Variants in IL9R observed in about 807,000 individuals in gnomAD.
IL9R encodes interleukin 9 receptor, also known as interleukin-9 receptor.
Under a neutral mutation model 56.3 loss-of-function variants are expected in IL9R, and 54 were observed. That is an observed-to-expected ratio of 0.96 (90% CI 0.77 to 1.20). The LOEUF (loss-of-function observed/expected upper bound fraction) is 1.20. Among genes scored for constraint, IL9R ranks in the 50% most tolerant of loss-of-function variants. The probability of loss-of-function intolerance (pLI) is 0.00; values close to 1 mark genes in which losing one functional copy is unlikely to be tolerated. For missense variants in IL9R, 545 were observed against 629.8 expected, an observed-to-expected ratio of 0.87 and a Z score of 1.44; for synonymous variants, 212 against 250.2, an observed-to-expected ratio of 0.85 and a Z score of 1.44.
rs2067616373 is a variant in IL9R at position 156,002,731 on chromosome X, C to G, written c.29-175C>G. The G allele has an allele frequency of 6.8e-6, 6 of 879,272 alleles. No individual in the cohort carries two copies. In the Admixed American group the frequency reaches 1.3e-4, roughly 19 times the overall value. The allele number at this position is 879,272 out of a possible 1,614,324, so 54.5% of individuals were successfully genotyped here. On this transcript the variant is annotated intron_variant, in intron 1 of 8. Coordinates refer to ENST00000244174, the MANE Select transcript of IL9R (RefSeq NM_002186.3). The stretch of plus-strand genomic sequence containing the variant: ...GGCCTTTCTGAGCTCAGTTCCTTAT[C>G]AGTAAAGCCTGGACAGTGGTCCAGG...
chrX:156,009,374 T>C (rs1236354326), intron 8 of IL9R, among the ~76,000 whole-genome samples: 2 of 149,672 alleles, frequency 1.3e-5, no homozygotes, highest in African/African-American at 5.0e-5. Flanking sequence ...TCTGTGTGTA[T>C]CTGTGTGTGT....
At chrX:156,004,168 C>G in intron 4 of IL9R, 2 of 599,952 alleles carry the variant, frequency 3.3e-6, no homozygotes, top group East Asian at 5.5e-5. Context: ...GGAAAAGCTT[C>G]CAGCAGCAGA....
At chrX:156,005,690 A>C (rs1021826994) in intron 6 of IL9R, among the ~76,000 whole-genome samples, 1 of 152,114 alleles carries the variant, frequency 6.6e-6, no homozygotes, top group Non-Finnish European at 1.5e-5. Context: ...ACCTGTAGTT[A>C]GTGGCTGCTG....
chrX:156,009,732 C>A (rs1045277884), intron 8 of IL9R, 84 bp from the exon 9 acceptor site: 9 of 678,876 alleles, frequency 1.3e-5, no homozygotes, highest in African/African-American at 2.8e-5. Flanking sequence ...GGATGCTGGG[C>A]TTGCCAGAAA....
intron 4 of IL9R, 114 bp downstream of exon 4, chrX:156,003,969 C>A: frequency 8.9e-7 from 1 of 1,120,560 alleles, no homozygotes; most frequent in South Asian, 1.5e-5. Context: ...TGTTCTCAGT[C>A]CCAGCCGAGT....
rs778936416 is a variant in IL9R at position 156,003,031 on chromosome X, G to T, written c.142+12G>T. On this transcript the variant is annotated intron_variant, in intron 2 of 8. Transcript: ENST00000244174. ...AGGGGAAGGACAAGGTGAGGGCTGG[G>T]CACTAATGTCTGTATGAGGTGGGTG... is the stretch of plus-strand genomic sequence containing the variant. 2.5e-6 allele frequency: 4 copies of T among 1,613,786 alleles called. No homozygotes were observed. The highest frequency in any genetic ancestry group is 3.4e-6 in the Non-Finnish European group (4 of 1,179,832).
chrX:156,009,385 T>TG (rs2068327283), intron 8 of IL9R, among the ~76,000 whole-genome samples: 4 of 139,442 alleles, frequency 2.9e-5, no homozygotes, highest in Non-Finnish European at 6.2e-5. Flanking sequence ...CTGTGTGTGT[T>TG]TGTGTGTGTG....
rs1382175616 is a variant in IL9R, at chrX:156,004,698, C to G, written c.579+133C>G. The stretch of plus-strand genomic sequence containing the variant: ...GAGGAACTAGAGCGGGGTGTGTGTG[C>G]ACACACACATGCTGGCATGCAGATG... On this transcript the variant is annotated intron_variant, in intron 5 of 8. Coordinates refer to ENST00000244174, the MANE Select transcript of IL9R (RefSeq NM_002186.3). The G allele has an allele frequency of 1.3e-5, 11 of 856,974 alleles. No individual in the cohort carries two copies. The Admixed American group carries it at 1.8e-4, about 14-fold the overall frequency. 53.1% of individuals were successfully genotyped at this position (856,974 alleles called of 1,614,324 possible).
chrX:156,008,627 G>A (rs2068158440), intron 8 of IL9R, among the ~76,000 whole-genome samples: 1 of 152,118 alleles, frequency 6.6e-6, no homozygotes, highest in African/African-American at 2.4e-5. Context: ...TAGGACACCT[G>A]CCACGGGTTA....
Position 156,000,021 on chromosome X carries a change from A to G in IL9R, c.28+2234A>G, listed in dbSNP as rs191196160. On this transcript the variant is annotated intron_variant, in intron 1 of 8. Coordinates refer to ENST00000244174, the MANE Select transcript of IL9R (RefSeq NM_002186.3). ...CATGCTTGTAAATGCTTGTAATCCC[A>G]GCTACTTGGGAGGCTGAAGCAGGAG... Among the ~76,000 whole-genome samples the G allele has an allele frequency of 1.2e-4, 18 of 152,060 alleles. 1 individual carries two copies. In the East Asian group the frequency reaches 3.5e-3, roughly 29 times the overall value.
At chrX:156,004,998 T>C (rs1399599188) in intron 5 of IL9R, among the ~76,000 whole-genome samples, 2 of 152,074 alleles carry the variant, frequency 1.3e-5, no homozygotes, top group Non-Finnish European at 2.9e-5. Flanking sequence ...CACTTTTGTT[T>C]ATGAGTGTGC....
intron 1 of IL9R, among the ~76,000 whole-genome samples, chrX:155,999,478 C>A (rs927910851): frequency 4.5e-4 from 68 of 152,136 alleles, no homozygotes; most frequent in African/African-American, 1.5e-3. Context: ...GTACTTGCCT[C>A]CAGCTGGCCT....
rs761022897 is a variant in IL9R at position 156,002,923 on chromosome X, G to A, written c.46G>A (p.Glu16Lys). The change falls in exon 2 of 9, where the codon GAG becomes AAG. Residue 16 changes from glutamate to lysine, a missense_variant. By Grantham distance (56) the Glu-to-Lys change is moderately conservative (BLOSUM62 1). Coordinates refer to ENST00000244174, the MANE Select transcript of IL9R (RefSeq NM_002186.3). ...CCTTGCAGGCTGGACCTTGGAGAGT[G>A]AGGCCCTGAGGCGAGACATGGGCAC... ...CIWEGWTLESEALRRDMGTWL... is the reference protein window; with the variant it reads ...CIWEGWTLESKALRRDMGTWL... 6 of 1,613,918 alleles carry A rather than the reference G, an allele frequency of 3.7e-6. No individual in the cohort carries two copies. Among genetic ancestry groups the A allele is most frequent in the South Asian group, 3.3e-5 (3 of 91,064 alleles).
At chrX:156,004,807 T>C (rs1438733252) in intron 5 of IL9R, among the ~76,000 whole-genome samples, 4 of 152,168 alleles carry the variant, frequency 2.6e-5, no homozygotes, top group Non-Finnish European at 5.9e-5. Flanking sequence ...AGTGTGCATG[T>C]ATGTGTTTAT....
intron 1 of IL9R, among the ~76,000 whole-genome samples, chrX:156,001,872 A>G (rs2067555536): frequency 6.6e-6 from 1 of 152,152 alleles, no homozygotes; most frequent in South Asian, 2.1e-4. Context: ...CTCACGCTCC[A>G]GCATCCGGGG....
chrX:156,004,891 T>A (rs1452127508), intron 5 of IL9R, among the ~76,000 whole-genome samples: 1 of 152,126 alleles, frequency 6.6e-6, no homozygotes, highest in African/African-American at 2.4e-5. Context: ...AGTGTACATA[T>A]GTGTGTGCCT....
At position 156,005,262 on chromosome X, in the gene IL9R, G is replaced by T. The variant is rs1056375154; in HGVS notation, c.580-16G>T. 1 of 1,611,144 alleles carries T rather than the reference G, an allele frequency of 6.2e-7. No homozygotes were observed. The highest frequency in any genetic ancestry group is 2.2e-5 in the East Asian group (1 of 44,882). ...GCCCCACCTTCACCACCTGCTAACT[G>T]TCCCCACCCCCACAGCAGGCCCAGC... is the stretch of plus-strand genomic sequence containing the variant. On this transcript the variant is annotated splice_polypyrimidine_tract_variant and intron_variant, in intron 5 of 8. Transcript: ENST00000244174.
At chrX:156,009,728 T>G (rs2068363191) in intron 8 of IL9R, 88 bp from the exon 9 acceptor site, 1 of 648,586 alleles carries the variant, frequency 1.5e-6, no homozygotes, top group Admixed American at 2.9e-5. Flanking sequence ...GGAGGGATGC[T>G]GGGCTTGCCA....
At chrX:156,001,143 C>T (rs1323907214) in intron 1 of IL9R, among the ~76,000 whole-genome samples, 2 of 152,130 alleles carry the variant, frequency 1.3e-5, no homozygotes, top group African/African-American at 4.8e-5. Context: ...TGTCTAGAAA[C>T]GAGGCCTGCT....
Sources: allele counts gnomAD v4.1 joint callset (sites outside exome capture counted in the v4.1 genomes callset), GRCh38; gene constraint gnomAD v4.1.1; transcripts MANE v1.5; gene names NCBI Gene and HGNC (gene_info 2026-07-23, HGNC 2026-07-21).